FGF14: variants seen among roughly 807,000 people sequenced by gnomAD.
FGF14 encodes fibroblast growth factor homologous factor 4.
A neutral mutation model predicts 25.5 loss-of-function variants in FGF14; 5 were observed. The observed-to-expected ratio is 0.20, with a 90% confidence interval of 0.10 to 0.41. The LOEUF (loss-of-function observed/expected upper bound fraction) is 0.41, where lower values mean the gene tolerates loss of function less well. Among genes scored for constraint, FGF14 ranks in the 10% least tolerant of loss-of-function variants. The pLI is 1.00. For missense variants in FGF14, 222 were observed against 320.1 expected (o/e 0.69, Z 2.34); for synonymous variants, 138 against 118.3 (o/e 1.17, Z -1.08).
intron 1 of FGF14, among the ~76,000 whole-genome samples, chr13:102,038,938 A>G (rs1435297288): frequency 1.3e-5 from 2 of 152,148 alleles, no homozygotes; most frequent in African/African-American, 2.4e-5. Context: ...AGTGATCCCA[A>G]TTGCTGAGTA....
intron 1 of FGF14, among the ~76,000 whole-genome samples, chr13:102,159,040 C>T (rs530205920): frequency 7.4e-5 from 11 of 148,936 alleles, no homozygotes; most frequent in African/African-American, 1.5e-4. Flanking sequence ...CTCGGGAGGC[C>T]GAGGCAGGAG....
chr13:101,800,803 TA>T (rs1222000753), intron 3 of FGF14, among the ~76,000 whole-genome samples: 1 of 152,118 alleles, frequency 6.6e-6, no homozygotes, highest in Non-Finnish European at 1.5e-5. Flanking sequence ...TTCACAACCA[TA>T]ATCAAAAGTC....
Position 101,717,566 on chromosome 13 carries a change from A to G in FGF14, c.*5265T>C, listed in dbSNP as rs1302006578. 3 of 152,160 alleles carry G rather than the reference A, an allele frequency of 2.0e-5. No individual in the cohort carries two copies. In the East Asian group the frequency reaches 5.8e-4, roughly 29 times the overall value. 9.4% of individuals were successfully genotyped at this position (152,160 alleles called of 1,614,324 possible). On this transcript the variant is annotated 3_prime_UTR_variant, in exon 5 of 5. Coordinates refer to ENST00000376143, the MANE Select transcript of FGF14 (RefSeq NM_004115.4). Reference sequence around the variant, plus strand: ...CATTACATTATCTAGCCATCGTAATACAAATGACCTTTGGATTTCTCTATC... The same window carrying G: ...CATTACATTATCTAGCCATCGTAATGCAAATGACCTTTGGATTTCTCTATC...
chr13:101,832,832 A>G (rs2042742169), intron 3 of FGF14, among the ~76,000 whole-genome samples: 1 of 152,226 alleles, frequency 6.6e-6, no homozygotes, highest in African/African-American at 2.4e-5. Flanking sequence ...ATGAGTTTAT[A>G]TCACAAAATT....
At chr13:102,307,485 A>C (rs2055456866) in intron 1 of FGF14, among the ~76,000 whole-genome samples, 2 of 152,190 alleles carry the variant, frequency 1.3e-5, no homozygotes, top group African/African-American at 4.8e-5. Flanking sequence ...TTATAATTTG[A>C]GTTTATAAAA....
chr13:101,999,363 G>T (rs1176322931), intron 1 of FGF14, among the ~76,000 whole-genome samples: 1 of 152,156 alleles, frequency 6.6e-6, no homozygotes, highest in African/African-American at 2.4e-5. Context: ...GGTAGTCTGG[G>T]TCGCCCACAG....
chr13:102,380,841 T>C (rs887362423), intron 1 of FGF14, among the ~76,000 whole-genome samples: 1 of 152,084 alleles, frequency 6.6e-6, no homozygotes, highest in African/African-American at 2.4e-5. Flanking sequence ...TAAACACAGA[T>C]AAAGAGTCAG....
At chr13:102,303,716 T>A (rs2055205374) in intron 1 of FGF14, among the ~76,000 whole-genome samples, 2 of 152,144 alleles carry the variant, frequency 1.3e-5, no homozygotes, top group Non-Finnish European at 2.9e-5. Flanking sequence ...TCACTTCACA[T>A]CCCAACCCAT....
At chr13:102,041,995 A>G (rs1171327285) in intron 1 of FGF14, among the ~76,000 whole-genome samples, 1 of 152,196 alleles carries the variant, frequency 6.6e-6, no homozygotes, top group Admixed American at 6.6e-5. Flanking sequence ...TAAAGGACTC[A>G]TCTCACTATC....
At chr13:102,304,171 G>C (rs1594790788) in intron 1 of FGF14, among the ~76,000 whole-genome samples, 1 of 151,900 alleles carries the variant, frequency 6.6e-6, no homozygotes, top group Admixed American at 6.6e-5. Flanking sequence ...TAAATAGCAA[G>C]GTATACACCT....
At chr13:102,283,341 AAAG>A (rs1018761401) in intron 1 of FGF14, among the ~76,000 whole-genome samples, 11 of 152,318 alleles carry the variant, frequency 7.2e-5, no homozygotes, top group East Asian at 5.8e-4. Flanking sequence ...ATTACTTTAA[AAAG>A]AAGAAGAAGA....
intron 1 of FGF14, among the ~76,000 whole-genome samples, chr13:102,093,620 A>T (rs999227987): frequency 6.6e-6 from 1 of 152,176 alleles, no homozygotes; most frequent in Non-Finnish European, 1.5e-5. Flanking sequence ...GTTTTAATGC[A>T]ATAGCATAAA....
intron 3 of FGF14, among the ~76,000 whole-genome samples, chr13:101,814,635 G>A (rs895806298): frequency 2.6e-5 from 4 of 152,082 alleles, no homozygotes; most frequent in African/African-American, 4.8e-5. Flanking sequence ...CTGTAATTGT[G>A]TCTTTTGTGG....
At chr13:102,017,086 CACTTTA>C (rs916647166) in intron 1 of FGF14, 3 of 160,400 alleles carry the variant, frequency 1.9e-5, no homozygotes, top group African/African-American at 4.8e-5. Flanking sequence ...TTTTAACATA[CACTTTA>C]ACTTTATTAA....
chr13:102,039,782 T>C (rs1168373155), intron 1 of FGF14, among the ~76,000 whole-genome samples: 1 of 152,128 alleles, frequency 6.6e-6, no homozygotes, highest in Non-Finnish European at 1.5e-5. Context: ...CCCTGAAAAG[T>C]ATCTTATCCG....
intron 1 of FGF14, chr13:102,003,168 A>G (rs1466434356): frequency 6.6e-6 from 1 of 152,244 alleles, no homozygotes; most frequent in Non-Finnish European, 1.5e-5. Context: ...GGAAATGTAT[A>G]ACAAAGTAAA....
intron 1 of FGF14, among the ~76,000 whole-genome samples, chr13:102,054,151 C>A (rs1055959638): frequency 6.6e-6 from 1 of 152,132 alleles, no homozygotes; most frequent in Admixed American, 6.5e-5. Context: ...TCTGTCATCA[C>A]TGATGTGAGA....
At chr13:102,385,337 T>C (rs2058276964) in intron 1 of FGF14, among the ~76,000 whole-genome samples, 1 of 152,218 alleles carries the variant, frequency 6.6e-6, no homozygotes, top group Non-Finnish European at 1.5e-5. Context: ...CAACACTTAC[T>C]TCTAAGTTAT....
At chr13:102,162,888 T>G (rs1411200594) in intron 1 of FGF14, among the ~76,000 whole-genome samples, 2 of 152,128 alleles carry the variant, frequency 1.3e-5, no homozygotes, top group African/African-American at 4.8e-5. Flanking sequence ...CTCTGGTCAC[T>G]GGCAGTGGTT....
Sources: gnomAD v4.1 joint callset for allele counts (sites outside exome capture counted in the v4.1 genomes callset) on GRCh38, gnomAD v4.1.1 for gene constraint, MANE v1.5 for transcripts, NCBI Gene and HGNC (gene_info 2026-07-23, HGNC 2026-07-21) for gene names.